The following MIB1 variants were observed in gnomAD, a reference collection of about 807,000 sequenced individuals.
MIB1 encodes E3 ubiquitin-protein ligase MIB1.
MIB1 carries 278 observed loss-of-function variants against 124.5 expected under a neutral mutation model. That is an observed-to-expected ratio of 2.23 (90% CI 2.02 to 2.47). The LOEUF (loss-of-function observed/expected upper bound fraction) is 2.47. Ranked by LOEUF, MIB1 falls within the 30% of genes most tolerant of loss-of-function variation. MIB1 has a pLI of 0.00. For synonymous variants in MIB1, 446 were observed against 429.4 expected (o/e 1.04, Z -0.48); for missense variants, 957 against 1,254.4 (o/e 0.76, Z 3.58).
Position 21,865,812 on chromosome 18 carries a change from A to G in MIB1, c.*1146A>G, listed in dbSNP as rs541724544. On this transcript the variant is annotated 3_prime_UTR_variant, in exon 21 of 21. Coordinates refer to ENST00000261537, the MANE Select transcript of MIB1 (RefSeq NM_020774.4). ...GATGAGGGTATTATTTAAACTGCCAACAATATCCAAGACATGGTCAATAAC... is the reference window on the plus strand; with the variant it reads ...GATGAGGGTATTATTTAAACTGCCAGCAATATCCAAGACATGGTCAATAAC... The G allele has an allele frequency of 1.3e-5, 2 of 152,754 alleles. No homozygotes were observed. The highest frequency in any genetic ancestry group is 1.9e-4 in the East Asian group (1 of 5,192). 9.5% of individuals were successfully genotyped at this position (152,754 alleles called of 1,614,324 possible). A position where few individuals can be genotyped will look rare whatever the true frequency, so the allele number is the denominator to read the frequency against.
chr18:21,807,949 C>A (rs2041727538), intron 10 of MIB1, among the ~76,000 whole-genome samples: 1 of 152,152 alleles, frequency 6.6e-6, no homozygotes, highest in Non-Finnish European at 1.5e-5. Flanking sequence ...TATCTATACA[C>A]CTTTCCTCCC....
chr18:21,816,124 A>G lies in MIB1; in HGVS notation c.1677+311A>G, dbSNP rs78786142. ...GAGCTCAACAGCTTAAAGAAGTGTA[A>G]TAGGCTATATTTCATAATAGTTACT... On this transcript the variant is annotated intron_variant, in intron 11 of 20. Coordinates refer to ENST00000261537, the MANE Select transcript of MIB1 (RefSeq NM_020774.4). Among the ~76,000 whole-genome samples, 625 of 152,300 alleles carry G rather than the reference A, an allele frequency of 4.1e-3. 4 individuals carry two copies. The highest frequency in any genetic ancestry group is 0.014 in the African/African-American group (602 of 41,554).
intron 17 of MIB1, among the ~76,000 whole-genome samples, chr18:21,849,677 A>G (rs370309964): frequency 6.6e-6 from 1 of 152,152 alleles, no homozygotes; most frequent in African/African-American, 2.4e-5. Flanking sequence ...TGTTTCCTTC[A>G]TTATATCTAA....
intron 11 of MIB1, among the ~76,000 whole-genome samples, chr18:21,818,266 CT>C (rs1598625725): frequency 6.6e-6 from 1 of 151,684 alleles, no homozygotes. Flanking sequence ...TTTTTTTTCT[CT>C]TTTTTTTCCT....
At chr18:21,811,846 T>TTTAA (rs2041777465) in intron 10 of MIB1, among the ~76,000 whole-genome samples, 1 of 152,156 alleles carries the variant, frequency 6.6e-6, no homozygotes, top group Non-Finnish European at 1.5e-5. Context: ...TATCACTGAA[T>TTTAA]TGTACATTTA....
intron 1 of MIB1, among the ~76,000 whole-genome samples, chr18:21,757,969 A>G (rs1055381471): frequency 1.3e-5 from 2 of 152,294 alleles, no homozygotes; most frequent in South Asian, 2.1e-4. Context: ...GGTAGAGTGA[A>G]TGAAGTGCTT....
intron 1 of MIB1, among the ~76,000 whole-genome samples, chr18:21,728,776 C>T (rs546985130): frequency 6.6e-6 from 1 of 152,306 alleles, no homozygotes; most frequent in East Asian, 1.9e-4. Context: ...TATCCACGAT[C>T]TCAAACATTT....
At chr18:21,840,959 A>G (rs906642780) in intron 13 of MIB1, among the ~76,000 whole-genome samples, 44 of 152,200 alleles carry the variant, frequency 2.9e-4, no homozygotes, top group African/African-American at 1.0e-3. Context: ...ACACTTCATC[A>G]AAAACTAAAC....
chr18:21,841,402 C>G (rs2042087916), intron 13 of MIB1, among the ~76,000 whole-genome samples: 1 of 152,008 alleles, frequency 6.6e-6, no homozygotes, highest in Admixed American at 6.6e-5. Flanking sequence ...GGACAAATAA[C>G]TCTATAAAAA....
intron 17 of MIB1, among the ~76,000 whole-genome samples, chr18:21,851,297 G>A (rs1021905653): frequency 6.6e-6 from 1 of 152,130 alleles, no homozygotes; most frequent in Non-Finnish European, 1.5e-5. Context: ...ATGGAACAGA[G>A]GAGAGAGGAA....
At chr18:21,769,405 A>G (rs1383741805) in intron 3 of MIB1, among the ~76,000 whole-genome samples, 3 of 152,226 alleles carry the variant, frequency 2.0e-5, no homozygotes, top group Non-Finnish European at 4.4e-5. Flanking sequence ...TAAAAACGGT[A>G]CAGTGGAAGT....
intron 1 of MIB1, among the ~76,000 whole-genome samples, chr18:21,761,619 G>T (rs1170002654): frequency 6.6e-6 from 1 of 152,064 alleles, no homozygotes; most frequent in Non-Finnish European, 1.5e-5. Flanking sequence ...AGTGGACCTG[G>T]GTGGACATTT....
chr18:21,808,058 TA>T (rs2041728554), intron 10 of MIB1, among the ~76,000 whole-genome samples: 1 of 152,216 alleles, frequency 6.6e-6, no homozygotes, highest in African/African-American at 2.4e-5. Flanking sequence ...AGGGCTCTTT[TA>T]AAAAGTTTCT....
intron 7 of MIB1, among the ~76,000 whole-genome samples, chr18:21,794,442 C>CCTCTCT (rs147293733): frequency 2.3e-3 from 334 of 144,942 alleles, no homozygotes; most frequent in South Asian, 8.5e-3. Context: ...CATTAAATAG[C>CCTCTCT]CTCTCTCTCT....
intron 18 of MIB1, chr18:21,854,740 T>G (rs1339370887): frequency 5.9e-6 from 1 of 168,422 alleles, no homozygotes; most frequent in Non-Finnish European, 1.3e-5. Context: ...CGTGGATACA[T>G]TTAGCAGTCA....
At chr18:21,845,710 GCCT>G (rs2042129135) in intron 15 of MIB1, among the ~76,000 whole-genome samples, 1 of 151,716 alleles carries the variant, frequency 6.6e-6, no homozygotes, top group African/African-American at 2.4e-5. Context: ...TGCAACCTCT[GCCT>G]CCTGGGGTCA....
At chr18:21,727,796 T>C (rs1259294594) in intron 1 of MIB1, among the ~76,000 whole-genome samples, 1 of 152,030 alleles carries the variant, frequency 6.6e-6, no homozygotes, top group Non-Finnish European at 1.5e-5. Flanking sequence ...GAAAAAGAAG[T>C]CAGAGACTCT....
intron 1 of MIB1, among the ~76,000 whole-genome samples, chr18:21,762,130 C>A (rs1237481936): frequency 6.6e-6 from 1 of 152,138 alleles, no homozygotes; most frequent in Non-Finnish European, 1.5e-5. Context: ...AATACTACTT[C>A]AGTGCATGTT....
At chr18:21,761,701 G>A (rs1357985527) in intron 1 of MIB1, among the ~76,000 whole-genome samples, 1 of 152,186 alleles carries the variant, frequency 6.6e-6, no homozygotes, top group African/African-American at 2.4e-5. Flanking sequence ...CAAAAGGCAA[G>A]GCAGATGTCG....
Sources: gnomAD v4.1 joint callset for allele counts (sites outside exome capture counted in the v4.1 genomes callset) on GRCh38, gnomAD v4.1.1 for gene constraint, MANE v1.5 for transcripts, NCBI Gene and HGNC (gene_info 2026-07-23, HGNC 2026-07-21) for gene names.